The following PCGF2 variants were observed in gnomAD, a reference collection of about 807,000 sequenced individuals.
The protein encoded by PCGF2 is polycomb group RING finger protein 2.
In PCGF2, 8 loss-of-function variants were observed where a neutral mutation model predicts 36.1. The observed-to-expected ratio is 0.22, with a 90% CI of 0.13 to 0.40. The LOEUF is 0.40. Among genes scored for constraint, PCGF2 ranks in the 10% least tolerant of loss-of-function variants. PCGF2 has a pLI of 1.00. For synonymous variants in PCGF2, 198 were observed against 191.2 expected (o/e 1.04, Z -0.29); for missense variants, 436 against 475.9 (o/e 0.92, Z 0.78).
chr17:38,736,203 T>C, intron 9 of PCGF2, 33 bp from the exon 10 acceptor site: 1 of 1,458,530 alleles, frequency 6.9e-7, no homozygotes, highest in Non-Finnish European at 9.4e-7. Flanking sequence ...ACCATGACCC[T>C]GGCCAGCTCG....
intron 10 of PCGF2, among the ~76,000 whole-genome samples, 176 bp from the exon 11 acceptor site, chr17:38,735,776 A>G (rs547653893): frequency 6.4e-4 from 98 of 152,304 alleles, no homozygotes; most frequent in African/African-American, 2.1e-3. Context: ...CAGAGAGGGA[A>G]AAGGTCTAAG....
At chr17:38,738,332 T>C in intron 9 of PCGF2, 21 bp downstream of exon 9, 1 of 1,602,090 alleles carries the variant, frequency 6.2e-7, no homozygotes, top group Non-Finnish European at 8.6e-7. Context: ...CACTCATTTT[T>C]TGAAAGGCCC....
At chr17:38,737,984 G>A (rs927007908) in intron 9 of PCGF2, among the ~76,000 whole-genome samples, 2 of 151,888 alleles carry the variant, frequency 1.3e-5, no homozygotes, top group African/African-American at 4.8e-5. Flanking sequence ...AGATCTCCAG[G>A]GGACACATAT....
intron 9 of PCGF2, 31 bp downstream of exon 9, chr17:38,738,322 C>T: frequency 6.4e-7 from 1 of 1,554,020 alleles, no homozygotes; most frequent in South Asian, 1.1e-5. Context: ...CATACACAGA[C>T]ACTCATTTTT....
chr17:38,735,089 A>G lies in PCGF2; in HGVS notation c.*134T>C. 3.8e-6 allele frequency: 2 copies of G among 531,778 alleles called. No homozygotes were observed. The highest frequency in any genetic ancestry group is 3.1e-6 in the Non-Finnish European group (1 of 322,632). 32.9% of individuals were successfully genotyped at this position (531,778 alleles called of 1,614,324 possible). ...TTTTCCTATGTACATATATATATAT[A>G]TTTATTTATAAAACCCGCCCCCCAC... On this transcript the variant is annotated 3_prime_UTR_variant, in exon 11 of 11. Transcript: ENST00000620225.
Position 38,740,207 on chromosome 17 carries a change from C to T in PCGF2, c.112+84G>A, listed in dbSNP as rs939034297. ...GTTGGCTCTTTAGGGCAAGGGTTTG[C>T]GTGCTACCTTCCTCAGGCCGTGCCC... On this transcript the variant is annotated intron_variant, in intron 3 of 10. Transcript: ENST00000620225. The T allele has an allele frequency of 5.7e-5, 71 of 1,238,442 alleles. No homozygotes were observed. The Admixed American group carries it at 1.1e-3, about 19-fold the overall frequency. The allele number at this position is 1,238,442 out of a possible 1,614,324, so 76.7% of individuals were successfully genotyped here.
chr17:38,738,711 C>T, intron 7 of PCGF2, 42 bp downstream of exon 7: 1 of 1,582,776 alleles, frequency 6.3e-7, no homozygotes, highest in South Asian at 1.1e-5. Flanking sequence ...AGGGGTTACC[C>T]AGACTAGGAA....
intron 7 of PCGF2, 43 bp downstream of exon 7, chr17:38,738,710 C>A (rs117156733): frequency 3.2e-6 from 5 of 1,582,036 alleles, no homozygotes; most frequent in African/African-American, 1.3e-5. Flanking sequence ...AAGGGGTTAC[C>A]CAGACTAGGA....
chr17:38,742,755 C>G (rs1422551648), intron 2 of PCGF2, among the ~76,000 whole-genome samples: 1 of 152,212 alleles, frequency 6.6e-6, no homozygotes, highest in South Asian at 2.1e-4. Context: ...AGAGAACAAT[C>G]CAAGTGGCTG....
intron 2 of PCGF2, among the ~76,000 whole-genome samples, chr17:38,741,111 G>A (rs973184713): frequency 1.3e-5 from 2 of 151,890 alleles, no homozygotes; most frequent in Non-Finnish European, 1.5e-5. Flanking sequence ...TCCCAAGTCG[G>A]GCACAGTGGC....
At position 38,740,414 on chromosome 17, in the gene PCGF2, CGGGGGTGGG is replaced by C; in HGVS notation, c.-21_-13del. The C allele has an allele frequency of 8.2e-7, 1 of 1,213,642 alleles. No homozygotes were observed. Among genetic ancestry groups the C allele is most frequent in the Non-Finnish European group, 1.0e-6 (1 of 953,706 alleles). The allele number at this position is 1,213,642 out of a possible 1,614,324, so 75.2% of individuals were successfully genotyped here. A position where few individuals can be genotyped will look rare whatever the true frequency, so the allele number is the denominator to read the frequency against. ...GTAGTCCGATGCATGATTCCGGGGT[CGGGGGTGGG>C]GGGACTGGGGAGCGTTGCCCTGGGA... On this transcript the variant is annotated 5_prime_UTR_variant, in exon 3 of 11. Transcript: ENST00000620225.
At chr17:38,736,661 C>T (rs968890459) in intron 9 of PCGF2, among the ~76,000 whole-genome samples, 45 of 151,926 alleles carry the variant, frequency 3.0e-4, no homozygotes, top group African/African-American at 7.0e-4. Context: ...GGTGAAACCC[C>T]GTCTCTACTA....
At chr17:38,737,111 G>A (rs911490357) in intron 9 of PCGF2, among the ~76,000 whole-genome samples, 7 of 150,824 alleles carry the variant, frequency 4.6e-5, no homozygotes, top group African/African-American at 1.7e-4. Flanking sequence ...CTCCAGCCTG[G>A]GCAACAAGAG....
In PCGF2 at chr17:38,739,298, G is replaced by T. The variant is rs768320356; in HGVS notation, c.210-45C>A. 46 of 1,568,226 alleles carry T rather than the reference G, an allele frequency of 2.9e-5. No homozygotes were observed. The highest frequency in any genetic ancestry group is 8.8e-7 in the Non-Finnish European group (1 of 1,139,104). On this transcript the variant is annotated intron_variant, in intron 4 of 10. Coordinates refer to ENST00000620225, the MANE Select transcript of PCGF2 (RefSeq NM_007144.3). This position sits in a 1 kb window ranked among gnomAD's most constrained non-coding sequence, Gnocchi z 4.0. ...GCTTATCAGCAATGCCTTCTCCAGAGCGCTCCGACCTCGCCCTGCTCTCCC... is the reference window on the plus strand; with the variant it reads ...GCTTATCAGCAATGCCTTCTCCAGATCGCTCCGACCTCGCCCTGCTCTCCC...
Position 38,739,727 on chromosome 17 carries a change from A to G in PCGF2, c.113-45T>C. 2 of 1,419,080 alleles carry G rather than the reference A, an allele frequency of 1.4e-6. No individual in the cohort carries two copies. The highest frequency in any genetic ancestry group is 2.0e-6 in the Non-Finnish European group (2 of 1,002,900). 87.9% of individuals were successfully genotyped at this position (1,419,080 alleles called of 1,614,324 possible). On this transcript the variant is annotated intron_variant, in intron 3 of 10. Transcript: ENST00000620225. The surrounding 1 kb of genome is among the most constrained non-coding windows in gnomAD (Gnocchi z 4.0). ...AGAGGAGAGTCAGAGCCAACTTCCA[A>G]CTCCAGGACCAGCCTCCCCGCCCTC...
intron 3 of PCGF2, 39 bp downstream of exon 3, chr17:38,740,252 G>C (rs1160201501): frequency 6.3e-7 from 1 of 1,578,898 alleles, no homozygotes; most frequent in South Asian, 1.1e-5. Context: ...TGGGCACAGA[G>C]GCTGCCCACC....
upstream of PCGF2, chr17:38,749,536 G>A: frequency 2.3e-6 from 1 of 434,166 alleles, no homozygotes; most frequent in Non-Finnish European, 4.8e-6. This position sits in a 1 kb window ranked among gnomAD's most constrained non-coding sequence, Gnocchi z 6.5. Flanking sequence ...CGTTATTCAC[G>A]ATTTATTAGG....
chr17:38,735,127 A>C lies in PCGF2; in HGVS notation c.*96T>G. On this transcript the variant is annotated 3_prime_UTR_variant, in exon 11 of 11. Coordinates refer to ENST00000620225, the MANE Select transcript of PCGF2 (RefSeq NM_007144.3). ...ACCCGCCCCCCACCCCCAAGGTGGG[A>C]AGAGCTGGGGAAAGTAGAAGAGGTG... 5 of 918,122 alleles carry C rather than the reference A, an allele frequency of 5.4e-6. No individual in the cohort carries two copies. Among genetic ancestry groups the C allele is most frequent in the Non-Finnish European group, 5.9e-6 (4 of 679,156 alleles). The allele number at this position is 918,122 out of a possible 1,614,324, so 56.9% of individuals were successfully genotyped here.
At position 38,739,824 on chromosome 17, in the gene PCGF2, T is replaced by C. The variant is rs117513739; in HGVS notation, c.113-142A>G. 15,807 of 689,784 alleles carry C rather than the reference T, an allele frequency of 0.023. 241 individuals are homozygous for C. The highest frequency in any genetic ancestry group is 0.032 in the Non-Finnish European group (12,002 of 377,564). 42.7% of individuals were successfully genotyped at this position (689,784 alleles called of 1,614,324 possible). A position where few individuals can be genotyped will look rare whatever the true frequency, so the allele number is the denominator to read the frequency against. On this transcript the variant is annotated intron_variant, in intron 3 of 10. Transcript: ENST00000620225. This position sits in a 1 kb window ranked among gnomAD's most constrained non-coding sequence, Gnocchi z 4.0. ...AGGCCCAATGTGGCGATGTGTGTTC[T>C]GCACGTGTGGTACCTGTCCTTGTGC...
Sources: gnomAD v4.1 joint callset for allele counts (sites outside exome capture counted in the v4.1 genomes callset) on GRCh38, gnomAD v4.1.1 for gene constraint, Gnocchi (gnomAD v3.1) non-coding constraint, MANE v1.5 for transcripts, NCBI Gene and HGNC (gene_info 2026-07-23, HGNC 2026-07-21) for gene names.